The following MMP26 variants were observed in gnomAD, a reference collection of about 807,000 sequenced individuals.
The protein encoded by MMP26 is matrix metallopeptidase 26, also known as matrix metalloproteinase-26.
MMP26 carries 33 observed loss-of-function variants against 31.0 expected under a neutral mutation model. The ratio of observed to expected loss-of-function variants is 1.06; its 90% confidence interval spans 0.81 to 1.42. The LOEUF is 1.42. MMP26 is among the 40% of genes most tolerant of loss of function. The pLI, the probability that MMP26 is intolerant of heterozygous loss-of-function variation, is 0.00. For synonymous variants in MMP26, 122 were observed against 114.9 expected, an observed-to-expected ratio of 1.06 and a Z score of -0.40; for missense variants, 347 against 316.1, an observed-to-expected ratio of 1.10 and a Z score of -0.74.
intron 2 of MMP26, among the ~76,000 whole-genome samples, chr11:4,851,272 C>T (rs563923225): frequency 2.6e-5 from 4 of 152,302 alleles, no homozygotes; most frequent in Non-Finnish European, 5.9e-5. Context: ...TTCCTGTACT[C>T]GTGAGGCAGC....
intron 2 of MMP26, among the ~76,000 whole-genome samples, chr11:4,789,685 T>C (rs912790268): frequency 9.3e-5 from 14 of 151,264 alleles, no homozygotes; most frequent in Admixed American, 2.6e-4. Flanking sequence ...GGACTACAGG[T>C]GCCTGCCACC....
At chr11:4,744,078 G>T (rs1848348752) in intron 1 of MMP26, among the ~76,000 whole-genome samples, 1 of 152,214 alleles carries the variant, frequency 6.6e-6, no homozygotes, top group South Asian at 2.1e-4. Context: ...GGGATTAAAA[G>T]TGTGAGCCAC....
intron 2 of MMP26, chr11:4,849,120 C>G: frequency 1.2e-6 from 2 of 1,614,060 alleles, no homozygotes. Context: ...GGAGGGTGCA[C>G]CTGATAGGCC....
chr11:4,908,220 C>T (rs868186752), intron 2 of MMP26: 29 of 1,614,108 alleles, frequency 1.8e-5, no homozygotes, highest in Non-Finnish European at 2.4e-5. Flanking sequence ...TTGGTGCCGC[C>T]CCTTATGAAC....
intron 2 of MMP26, among the ~76,000 whole-genome samples, chr11:4,787,879 T>C (rs1455380340): frequency 6.6e-6 from 1 of 152,252 alleles, no homozygotes. Flanking sequence ...TGCTTTCTTT[T>C]ACTTAGCTTA....
chr11:4,925,212 G>GT (rs1296752658), intron 2 of MMP26, among the ~76,000 whole-genome samples: 2 of 152,168 alleles, frequency 1.3e-5, no homozygotes, highest in East Asian at 3.9e-4. Context: ...TACAGAGCAA[G>GT]TAAGTGTTGG....
chr11:4,826,823 T>C (rs1384982632), intron 2 of MMP26, among the ~76,000 whole-genome samples: 1 of 152,070 alleles, frequency 6.6e-6, no homozygotes, highest in East Asian at 1.9e-4. Context: ...TGGGTGACTA[T>C]TGCCTAATCC....
At chr11:4,849,442 T>A (rs1158529780) in intron 2 of MMP26, among the ~76,000 whole-genome samples, 1 of 152,170 alleles carries the variant, frequency 6.6e-6, no homozygotes, top group Non-Finnish European at 1.5e-5. Flanking sequence ...GCTGTCCTCA[T>A]AGCTCTGTGG....
intron 2 of MMP26, among the ~76,000 whole-genome samples, chr11:4,897,422 G>A (rs571206932): frequency 3.9e-5 from 6 of 152,302 alleles, no homozygotes; most frequent in Admixed American, 6.5e-5. Flanking sequence ...ACAGGCATAA[G>A]CCATCATGCC....
chr11:4,799,744 C>T (rs940133629), intron 2 of MMP26, among the ~76,000 whole-genome samples: 1 of 152,174 alleles, frequency 6.6e-6, no homozygotes, highest in African/African-American at 2.4e-5. Context: ...TTACTTCCAG[C>T]ATACAATGGT....
intron 2 of MMP26, among the ~76,000 whole-genome samples, chr11:4,957,872 GT>G (rs993687142): frequency 1.3e-5 from 2 of 151,978 alleles, no homozygotes; most frequent in African/African-American, 4.8e-5. Context: ...TAGAGATGGG[GT>G]TTTGCCATGT....
chr11:4,804,055 G>T (rs1409690724), intron 2 of MMP26: 2 of 1,613,888 alleles, frequency 1.2e-6, no homozygotes, highest in African/African-American at 2.7e-5. Context: ...AGAAGAAAAG[G>T]CATGGATGAA....
At chr11:4,873,351 G>A (rs1199843836) in intron 2 of MMP26, among the ~76,000 whole-genome samples, 3 of 151,794 alleles carry the variant, frequency 2.0e-5, no homozygotes, top group South Asian at 2.1e-4. Context: ...GTAGCATATC[G>A]TCTCTTCATC....
intron 2 of MMP26, among the ~76,000 whole-genome samples, chr11:4,836,334 A>G (rs11034142): frequency 0.067 from 10,146 of 151,890 alleles, 472 homozygotes; most frequent in African/African-American, 0.12. Context: ...AGCACCTGAG[A>G]TTTTTTGGTT....
At chr11:4,854,731 G>A (rs1249595089) in intron 2 of MMP26, among the ~76,000 whole-genome samples, 1 of 152,188 alleles carries the variant, frequency 6.6e-6, no homozygotes, top group African/African-American at 2.4e-5. Context: ...TCCCAGCAAG[G>A]AGTTTGAGAT....
chr11:4,771,594 AG>A, intron 2 of MMP26, among the ~76,000 whole-genome samples: 1 of 152,300 alleles, frequency 6.6e-6, no homozygotes, highest in African/African-American at 2.4e-5. Flanking sequence ...AATTCTGGGG[AG>A]AATTAAATTA....
At chr11:4,937,343 A>C (rs565976556) in intron 2 of MMP26, 1 of 152,312 alleles carries the variant, frequency 6.6e-6, no homozygotes, top group African/African-American at 2.4e-5. Context: ...TCCCTTTCTC[A>C]TTCCTTTGAT....
At chr11:4,899,223 AT>A (rs1850766049) in intron 2 of MMP26, among the ~76,000 whole-genome samples, 1 of 152,206 alleles carries the variant, frequency 6.6e-6, no homozygotes, top group African/African-American at 2.4e-5. Context: ...TGACAGAGAA[AT>A]TCACTGCATA....
chr11:4,816,913 T>C (rs1849428938), intron 2 of MMP26, among the ~76,000 whole-genome samples: 1 of 151,142 alleles, frequency 6.6e-6, no homozygotes. Flanking sequence ...GGTTTCACCA[T>C]GTTAGCCAGG....
Sources: allele counts gnomAD v4.1 joint callset (sites outside exome capture counted in the v4.1 genomes callset), GRCh38; gene constraint gnomAD v4.1.1; transcripts MANE v1.5; gene names NCBI Gene and HGNC (gene_info 2026-07-23, HGNC 2026-07-21).